The following NEXN variants were observed in gnomAD, a reference collection of about 807,000 sequenced individuals.
NEXN encodes the protein nexilin F-actin binding protein.
In NEXN, 65 loss-of-function variants were observed where a neutral mutation model predicts 92.6. The ratio of observed to expected loss-of-function variants is 0.70; its 90% CI spans 0.57 to 0.86. The LOEUF is 0.86. Among genes scored for constraint, NEXN ranks in the 40% least tolerant of loss-of-function variants. The pLI is 0.00. For missense variants in NEXN, 778 were observed against 771.1 expected (o/e 1.01, Z -0.11); for synonymous variants, 254 against 242.5 (o/e 1.05, Z -0.44).
intron 9 of NEXN, among the ~76,000 whole-genome samples, chr1:77,931,231 C>CAAAAA (rs367898061): frequency 2.6e-3 from 318 of 120,378 alleles, no homozygotes; most frequent in Non-Finnish European, 3.8e-3. Flanking sequence ...ACTAAAAATA[C>CAAAAA]AAAAAAAAAA....
chr1:77,942,525 A>G lies in NEXN; in HGVS notation c.1724A>G (p.Glu575Gly), dbSNP rs1169540111. ...IMNGSTAEDE[E>G]QTRSGAPWFK... ...AATGGCTCCACTGCTGAAGATGAAG[A>G]GCAAACCAGATCAGGAGCTCCATGG... The change falls in exon 13 of 13, where the codon GAG becomes GGG. Residue 575 changes from glutamate to glycine, a missense_variant. Transcript: ENST00000334785. The G allele has an allele frequency of 1.2e-6, 2 of 1,613,848 alleles. No homozygotes were observed. Among genetic ancestry groups the G allele is most frequent in the African/African-American group, 1.3e-5 (1 of 74,932 alleles).
At chr1:77,911,518 G>C (rs558196850) in intron 1 of NEXN, among the ~76,000 whole-genome samples, 1 of 152,096 alleles carries the variant, frequency 6.6e-6, no homozygotes, top group African/African-American at 2.4e-5. Context: ...CTTGAACCCA[G>C]GAGGTGGAGG....
chr1:77,905,256 C>T (rs1648027722), intron 1 of NEXN, among the ~76,000 whole-genome samples: 2 of 37,688 alleles, frequency 5.3e-5, no homozygotes, highest in Non-Finnish European at 1.4e-4. Flanking sequence ...GAGACTCCGT[C>T]TCAAAAAAAA....
At chr1:77,907,785 CAG>C (rs1187611218) in intron 1 of NEXN, among the ~76,000 whole-genome samples, 1 of 152,010 alleles carries the variant, frequency 6.6e-6, no homozygotes, top group Non-Finnish European at 1.5e-5. Context: ...CTATTCTTGA[CAG>C]ATTAATTATT....
chr1:77,938,327 T>C (rs1247057079), intron 11 of NEXN, among the ~76,000 whole-genome samples: 2 of 152,182 alleles, frequency 1.3e-5, no homozygotes, highest in Non-Finnish European at 2.9e-5. Context: ...GTTTTGGGGA[T>C]ATATATGTGG....
intron 8 of NEXN, among the ~76,000 whole-genome samples, chr1:77,927,458 A>T (rs2102127129): frequency 6.6e-6 from 1 of 152,240 alleles, no homozygotes; most frequent in South Asian, 2.1e-4. Context: ...TGCGGGACTG[A>T]TTATAAGTGT....
intron 1 of NEXN, among the ~76,000 whole-genome samples, chr1:77,911,741 A>T (rs1369065589): frequency 1.4e-3 from 15 of 10,814 alleles, no homozygotes; most frequent in African/African-American, 3.3e-3. Flanking sequence ...AGCCTGTTTT[A>T]TATATATATA....
At chr1:77,935,195 G>A (rs1011910620) in intron 10 of NEXN, among the ~76,000 whole-genome samples, 1 of 152,122 alleles carries the variant, frequency 6.6e-6, no homozygotes, top group Non-Finnish European at 1.5e-5. Context: ...AAGCCACCAT[G>A]CCCGGCTAAT....
chr1:77,941,923 C>A, intron 11 of NEXN, 100 bp from the exon 12 acceptor site: 1 of 1,186,796 alleles, frequency 8.4e-7, no homozygotes, highest in Non-Finnish European at 1.2e-6. Flanking sequence ...GCATTATAAA[C>A]ATGTTAATCA....
At chr1:77,894,809 G>A (rs1414721217) in intron 1 of NEXN, among the ~76,000 whole-genome samples, 5 of 151,304 alleles carry the variant, frequency 3.3e-5, no homozygotes, top group African/African-American at 9.7e-5. Flanking sequence ...TCCACCTCCC[G>A]GGTTCTAGCA....
intron 1 of NEXN, among the ~76,000 whole-genome samples, chr1:77,896,517 C>A (rs1031239122): frequency 6.6e-6 from 1 of 152,140 alleles, no homozygotes; most frequent in Admixed American, 6.5e-5. Context: ...CCTGTAATCC[C>A]AGCACTTTGG....
chr1:77,927,914 C>G (rs1215809989), intron 8 of NEXN, among the ~76,000 whole-genome samples: 1 of 151,458 alleles, frequency 6.6e-6, no homozygotes, highest in Non-Finnish European at 1.5e-5. Flanking sequence ...GTTACATATA[C>G]TAAGTTCTTT....
intron 1 of NEXN, among the ~76,000 whole-genome samples, chr1:77,894,167 G>A (rs1647168672): frequency 6.6e-6 from 1 of 152,142 alleles, no homozygotes. Flanking sequence ...ATGTTGGCCA[G>A]GCTGGTCTCG....
chr1:77,891,538 GT>G (rs1328815221), intron 1 of NEXN, among the ~76,000 whole-genome samples: 11 of 151,684 alleles, frequency 7.3e-5, no homozygotes, highest in Admixed American at 7.2e-4. Context: ...AGGTTTCAAG[GT>G]TGGTGAAATT....
At chr1:77,937,969 T>C (rs745983081) in intron 11 of NEXN, among the ~76,000 whole-genome samples, 30 of 152,128 alleles carry the variant, frequency 2.0e-4, no homozygotes, top group Non-Finnish European at 3.4e-4. Flanking sequence ...TTGAACTAGG[T>C]CTGGTATGGA....
intron 5 of NEXN, among the ~76,000 whole-genome samples, chr1:77,921,564 CCT>C (rs1649420534): frequency 6.6e-6 from 1 of 152,010 alleles, no homozygotes; most frequent in African/African-American, 2.4e-5. Context: ...CCTACCTCAG[CCT>C]CCTAAGTAGC....
chr1:77,936,010 A>G lies in NEXN; in HGVS notation c.1439A>G (p.Glu480Gly). ...ERARRRAIDLEIKEREAENFH... is the reference protein window; with the variant it reads ...ERARRRAIDLGIKEREAENFH... ...GCAAGAAGGAGAGCAATTGACCTTG[A>G]AATTAAAGAGCGAGAAGCTGAAAAT... The change falls in exon 11 of 13, where the codon GAA (glutamate) becomes GGA (glycine). Residue 480 changes from glutamate (E) to glycine (G), a missense_variant. Glu to Gly is a moderately conservative substitution (Grantham distance 98). Coordinates refer to ENST00000334785, the MANE Select transcript of NEXN (RefSeq NM_144573.4). 2 of 1,613,872 alleles carry G rather than the reference A, an allele frequency of 1.2e-6. No homozygotes were observed. Among genetic ancestry groups the G allele is most frequent in the Non-Finnish European group, 1.7e-6 (2 of 1,179,928 alleles).
In NEXN at chr1:77,929,321, T is replaced by A; in HGVS notation, c.870T>A (p.Asn290Lys). The A allele has an allele frequency of 6.2e-7, 1 of 1,604,934 alleles. No individual in the cohort carries two copies. Among genetic ancestry groups the A allele is most frequent in the Non-Finnish European group, 8.5e-7 (1 of 1,172,138 alleles). Reference sequence around the variant, plus strand: ...TGAATTGTTTATTTGGTTAGGTAAATGAAGATGAGGAAAACCAAGACACAG... The same window carrying A: ...TGAATTGTTTATTTGGTTAGGTAAAAGAAGATGAGGAAAACCAAGACACAG... ...AFEEARRQMVNEDEENQDTAK... is the reference protein window; with the variant it reads ...AFEEARRQMVKEDEENQDTAK... The change falls in exon 9 of 13, where the codon AAT (asparagine) becomes AAA (lysine). Residue 290 changes from asparagine (N) to lysine (K), a missense_variant. By Grantham distance (94) the Asn-to-Lys change is moderately conservative. Around this residue, in one of 3 missense-constraint regions of NEXN, gnomAD observed 532 missense variants for 476.7 expected, o/e 1.12. Coordinates refer to ENST00000334785, the MANE Select transcript of NEXN (RefSeq NM_144573.4).
chr1:77,890,352 CCA>C (rs539526422), intron 1 of NEXN, among the ~76,000 whole-genome samples: 56 of 152,192 alleles, frequency 3.7e-4, no homozygotes, highest in African/African-American at 1.2e-3. Flanking sequence ...ACAATGTAAT[CCA>C]GTTTTAATAA....
Sources: gnomAD v4.1 joint callset for allele counts (sites outside exome capture counted in the v4.1 genomes callset) on GRCh38, gnomAD v4.1.1 for gene constraint, gnomAD v4.1.1 regional missense constraint, MANE v1.5 for transcripts, NCBI Gene and HGNC (gene_info 2026-07-23, HGNC 2026-07-21) for gene names.